CACNA1A: variants seen among roughly 807,000 people sequenced by gnomAD.
The protein encoded by CACNA1A is calcium voltage-gated channel subunit alpha1 A.
In CACNA1A, 57 loss-of-function variants were observed where a neutral mutation model predicts 262.4. The ratio of observed to expected loss-of-function variants is 0.22; its 90% CI spans 0.18 to 0.27. The LOEUF (loss-of-function observed/expected upper bound fraction) is 0.27, where lower values mean the gene tolerates loss of function less well. CACNA1A is among the 10% of genes least tolerant of loss of function. CACNA1A has a pLI of 1.00. For synonymous variants in CACNA1A, 1,431 were observed against 1,419.3 expected (o/e 1.01, Z -0.18); for missense variants, 2,526 against 3,562.8 (o/e 0.71, Z 7.41).
At position 13,335,856 on chromosome 19, in the gene CACNA1A, G is replaced by T. The variant is rs1164495565; in HGVS notation, c.1032C>A (p.Ile344=). 1.2e-6 allele frequency: 2 copies of T among 1,610,706 alleles called. No homozygotes were observed. The highest frequency in any genetic ancestry group is 2.2e-5 in the South Asian group (2 of 90,262). Residue 344 remains isoleucine (I), a synonymous_variant, in exon 7 of 47, where the codon ATC becomes ATA. Coordinates refer to ENST00000360228, the MANE Select transcript of CACNA1A (RefSeq NM_001127222.2). The stretch of plus-strand genomic sequence containing the variant: ...TCAGCATAAAAAAGGAGCCGATGAT[G>T]ATGAGGGGGATGAAGTACAACCAGT... The part of the protein sequence containing the change: ...TWNWLYFIPL[I]IIGSFFMLNL...
intron 1 of CACNA1A, among the ~76,000 whole-genome samples, chr19:13,460,512 A>C (rs891288557): frequency 6.6e-6 from 1 of 152,172 alleles, no homozygotes; most frequent in Non-Finnish European, 1.5e-5. Context: ...AAAGCAGAAA[A>C]GAAAATTTCA....
At chr19:13,224,920 A>G (rs2144596101) in intron 37 of CACNA1A, 148 bp from the exon 38 acceptor site, 1 of 589,154 alleles carries the variant, frequency 1.7e-6, no homozygotes, top group South Asian at 2.1e-5. Flanking sequence ...TACCTGTCCC[A>G]GTACTCAGTT....
chr19:13,436,373 T>C (rs1165467776), intron 3 of CACNA1A, among the ~76,000 whole-genome samples: 1 of 152,174 alleles, frequency 6.6e-6, no homozygotes, highest in Non-Finnish European at 1.5e-5. Flanking sequence ...AGTCCCTGTT[T>C]TTCTCCTCCT....
rs1427442133 is a variant in CACNA1A, at chr19:13,216,316, C to A, written c.5732-1708G>T. The stretch of plus-strand genomic sequence containing the variant: ...ACCATGTAATGTGCCACTTTGGGGC[C>A]AGAGCATTTATTATTATTTTTATTA... On this transcript the variant is annotated intron_variant, in intron 38 of 46. Coordinates refer to ENST00000360228, the MANE Select transcript of CACNA1A (RefSeq NM_001127222.2). Among the ~76,000 whole-genome samples the A allele has an allele frequency of 2.6e-5, 4 of 152,204 alleles. No homozygotes were observed. The South Asian group carries it at 6.2e-4, about 24-fold the overall frequency.
At chr19:13,316,923 G>A in intron 11 of CACNA1A, 189 bp downstream of exon 11, 1 of 514,692 alleles carries the variant, frequency 1.9e-6, no homozygotes, top group African/African-American at 1.9e-5. Flanking sequence ...TCAGGTCTAA[G>A]GGAGATGGGT....
chr19:13,497,521 AATATATATATATATATATATAT>A (rs1568709638), intron 1 of CACNA1A, among the ~76,000 whole-genome samples: 10 of 12,568 alleles, frequency 8.0e-4, no homozygotes, highest in Non-Finnish European at 9.7e-4. Flanking sequence ...AAAAAAAAAA[AATATATATATATATATATATAT>A]ATATATATAT....
At chr19:13,486,362 TTCTGTCTCTCTCTCTCTCTCTCTGTCTG>T (rs1394033694) in intron 1 of CACNA1A, among the ~76,000 whole-genome samples, 2 of 150,678 alleles carry the variant, frequency 1.3e-5, no homozygotes, top group Admixed American at 6.6e-5. Flanking sequence ...TCTAGGTTTG[TTCTGTCTCTCTCTCTCTCTCTCTGTCTG>T]TCTGTCTCTC....
chr19:13,479,682 A>G (rs1979020357), intron 1 of CACNA1A, among the ~76,000 whole-genome samples: 1 of 152,130 alleles, frequency 6.6e-6, no homozygotes, highest in Admixed American at 6.6e-5. Flanking sequence ...TGCCACCTTC[A>G]CTCTTCATGT....
chr19:13,380,645 CAAAA>C (rs370031243), intron 3 of CACNA1A, among the ~76,000 whole-genome samples: 175 of 55,196 alleles, frequency 3.2e-3, no homozygotes, highest in African/African-American at 0.012. Flanking sequence ...GACTCTGTCT[CAAAA>C]AAAAAAAAAA....
intron 18 of CACNA1A, 93 bp from the exon 19 acceptor site, chr19:13,299,446 A>C: frequency 9.9e-7 from 1 of 1,006,504 alleles, no homozygotes; most frequent in Non-Finnish European, 1.5e-6. Context: ...TCAGCCTCCC[A>C]CTCCTGCTCT....
Position 13,228,605 on chromosome 19 carries a change from G to GATAT in CACNA1A, c.5529-1082_5529-1079dup, listed in dbSNP as rs74181814. 7 of 90,830 alleles carry GATAT rather than the reference G, an allele frequency of 7.7e-5. No individual in the cohort carries two copies. The East Asian group carries it at 8.4e-4, about 11-fold the overall frequency. The allele number at this position is 90,830 out of a possible 1,614,324, so 5.6% of individuals were successfully genotyped here. A position where few individuals can be genotyped will look rare whatever the true frequency, so the allele number is the denominator to read the frequency against. ...CTCTGTTTTTTTAGAGAGAGAGAGA[G>GATAT]ATATATATATATATATATATGAAAT... On this transcript the variant is annotated intron_variant, in intron 36 of 46. Transcript: ENST00000360228.
chr19:13,474,027 T>C (rs928896925), intron 1 of CACNA1A, among the ~76,000 whole-genome samples: 1 of 152,228 alleles, frequency 6.6e-6, no homozygotes, highest in Non-Finnish European at 1.5e-5. Context: ...AAGATTCTCC[T>C]TGAAGCTTTA....
intron 10 of CACNA1A, among the ~76,000 whole-genome samples, chr19:13,318,127 A>AAT (rs2058164445): frequency 6.6e-6 from 1 of 151,080 alleles, no homozygotes; most frequent in African/African-American, 2.4e-5. Context: ...TTAAATAACA[A>AAT]TTTTTTTTTT....
intron 1 of CACNA1A, among the ~76,000 whole-genome samples, chr19:13,461,316 G>C (rs2061118254): frequency 6.6e-6 from 1 of 151,628 alleles, no homozygotes; most frequent in Admixed American, 6.6e-5. Flanking sequence ...CTCCAGCCTG[G>C]ACAACAGAAC....
At chr19:13,467,612 T>TC (rs909121809) in intron 1 of CACNA1A, among the ~76,000 whole-genome samples, 118 of 151,612 alleles carry the variant, frequency 7.8e-4, no homozygotes, top group Non-Finnish European at 2.5e-4. Flanking sequence ...CTTTTCTTTT[T>TC]TTTTTTTTGT....
At chr19:13,280,072 GGGTCACTGTGTTTATTGTCC>G (rs1033113352) in intron 22 of CACNA1A, among the ~76,000 whole-genome samples, 1 of 152,178 alleles carries the variant, frequency 6.6e-6, no homozygotes, top group African/African-American at 2.4e-5. Flanking sequence ...GCCTCCCAAA[GGGTCACTGTGTTTATTGTCC>G]AATAAACATT....
intron 29 of CACNA1A, among the ~76,000 whole-genome samples, chr19:13,253,337 G>C (rs2056452803): frequency 7.0e-6 from 1 of 143,676 alleles, no homozygotes; most frequent in Non-Finnish European, 1.5e-5. Context: ...TTTTTTGGTA[G>C]ACGGGGTCTT....
intron 3 of CACNA1A, among the ~76,000 whole-genome samples, chr19:13,435,094 A>ATT (rs889888578): frequency 1.4e-5 from 2 of 141,464 alleles, no homozygotes; most frequent in Non-Finnish European, 3.1e-5. Flanking sequence ...CCAGCCAGGC[A>ATT]TTTTTTTTTT....
At chr19:13,330,374 CT>C in intron 9 of CACNA1A, 41 bp from the exon 10 acceptor site, 1 of 1,415,376 alleles carries the variant, frequency 7.1e-7, no homozygotes, top group Non-Finnish European at 9.8e-7. Flanking sequence ...AGACGTTACC[CT>C]TTTTGCAACA....
Sources: gnomAD v4.1 joint callset for allele counts (sites outside exome capture counted in the v4.1 genomes callset) on GRCh38, gnomAD v4.1.1 for gene constraint, MANE v1.5 for transcripts, NCBI Gene and HGNC (gene_info 2026-07-23, HGNC 2026-07-21) for gene names.